The following PYCR3 variants were observed in gnomAD, a reference collection of about 807,000 sequenced individuals.
PYCR3 encodes the protein P5C reductase 3.
PYCR3 carries 26 observed loss-of-function variants against 23.4 expected under a neutral mutation model. The ratio of observed to expected loss-of-function variants is 1.11; its 90% CI spans 0.81 to 1.54. The LOEUF is 1.54. Among genes scored for constraint, PYCR3 ranks in the 40% most tolerant of loss-of-function variants. PYCR3 has a pLI of 0.00. For missense variants in PYCR3, 360 were observed against 376.3 expected (o/e 0.96, Z 0.36); for synonymous variants, 194 against 162.6 (o/e 1.19, Z -1.47).
intron 2 of PYCR3, among the ~76,000 whole-genome samples, chr8:143,607,521 C>A (rs1829435588): frequency 6.6e-6 from 1 of 152,116 alleles, no homozygotes; most frequent in Admixed American, 6.5e-5. Flanking sequence ...AACACATGCA[C>A]ACACACCCAC....
At position 143,609,557 on chromosome 8, in the gene PYCR3, C is replaced by T. The variant is rs1829491817; in HGVS notation, c.-9G>A. The T allele has an allele frequency of 1.3e-6, 2 of 1,500,598 alleles. No homozygotes were observed. The highest frequency in any genetic ancestry group is 2.9e-5 in the African/African-American group (2 of 68,902). 93.0% of individuals were successfully genotyped at this position (1,500,598 alleles called of 1,614,324 possible). On this transcript the variant is annotated 5_prime_UTR_variant, in exon 1 of 6. Transcript: ENST00000495276. ...GGCTCCGCAGCTGCCATCTTGTTGC[C>T]TCGGACGCCGCTGCGCTCACCGCCC...
Position 143,606,775 on chromosome 8 carries a change from C to T in PYCR3, c.337-96G>A, listed in dbSNP as rs573156132. 6.6e-5 allele frequency: 90 copies of T among 1,372,262 alleles called. No homozygotes were observed. In the South Asian group the frequency reaches 8.3e-4, roughly 13 times the overall value. The allele number at this position is 1,372,262 out of a possible 1,614,324, so 85.0% of individuals were successfully genotyped here. ...CTCAGGAAAGGTCCACGTCAGCTCG[C>T]GGTGGGCTCCAGCGTCTGCCTCCCA... On this transcript the variant is annotated intron_variant, in intron 3 of 5. Coordinates refer to ENST00000495276, the MANE Select transcript of PYCR3 (RefSeq NM_023078.6).
intron 5 of PYCR3, 45 bp downstream of exon 5, chr8:143,606,017 A>G: frequency 6.3e-7 from 1 of 1,579,572 alleles, no homozygotes. Context: ...GAAGAGGTAC[A>G]GGCCTGGGCC....
At position 143,605,722 on chromosome 8, in the gene PYCR3, G is replaced by C; in HGVS notation, c.803C>G (p.Ala268Gly). The C allele has an allele frequency of 1.2e-6, 2 of 1,602,602 alleles. No homozygotes were observed. The highest frequency in any genetic ancestry group is 1.7e-6 in the Non-Finnish European group (2 of 1,172,396). ...AGCCTACTTTCTGCTGAGCTCCTTG[G>C]CCCGGCAGGTGGCAGCCTCCACGGC... ...MSAVEAATCR[A>G]KELSRK is the part of the protein sequence containing the mutation. Residue 268 changes from alanine (A) to glycine (G), a missense_variant, in exon 6 of 6, where the codon GCC (alanine) becomes GGC (glycine). By Grantham distance (60) the Ala-to-Gly change is moderately conservative. Coordinates refer to ENST00000495276, the MANE Select transcript of PYCR3 (RefSeq NM_023078.6).
In PYCR3 at chr8:143,609,477, C is replaced by G; in HGVS notation, c.72G>C (p.Ala24=). The change falls in exon 1 of 6, where the codon GCG becomes GCC. Residue 24 remains alanine (A), a synonymous_variant. Coordinates refer to ENST00000495276, the MANE Select transcript of PYCR3 (RefSeq NM_023078.6). Reference sequence around the variant, plus strand: ...CCCCACCTGCTCTGATGAGGCCCTGCGCGATGGCCCCCGCCATGCGGCCCG... The same window carrying G: ...CCCCACCTGCTCTGATGAGGCCCTGGGCGATGGCCCCCGCCATGCGGCCCG... ...VGAGRMAGAI[A]QGLIRAGKVE... 1 of 1,511,672 alleles carries G rather than the reference C, an allele frequency of 6.6e-7. No homozygotes were observed. The highest frequency in any genetic ancestry group is 8.8e-7 in the Non-Finnish European group (1 of 1,137,662). The allele number at this position is 1,511,672 out of a possible 1,614,324, so 93.6% of individuals were successfully genotyped here.
At position 143,604,747 on chromosome 8, in the gene PYCR3, C is replaced by T. The variant is rs745695644; in HGVS notation, c.*953G>A. 5.1e-6 allele frequency: 2 copies of T among 395,134 alleles called. No individual in the cohort carries two copies. Among genetic ancestry groups the T allele is most frequent in the African/African-American group, 2.1e-5 (1 of 47,038 alleles). The allele number at this position is 395,134 out of a possible 1,614,324, so 24.5% of individuals were successfully genotyped here. A position where few individuals can be genotyped will look rare whatever the true frequency, so the allele number is the denominator to read the frequency against. On this transcript the variant is annotated 3_prime_UTR_variant, in exon 6 of 6. Coordinates refer to ENST00000495276, the MANE Select transcript of PYCR3 (RefSeq NM_023078.6). ...CTTCAATCCTGGGGGTTTGCTTCTC[C>T]CCTGAGTCCTGGCTTTCCTGACCTG...
At chr8:143,607,997 TG>T in intron 2 of PYCR3, 64 bp downstream of exon 2, 1 of 1,232,850 alleles carries the variant, frequency 8.1e-7, no homozygotes, top group Non-Finnish European at 1.2e-6. Context: ...AGTGTCTTAG[TG>T]GGACAGGAGC....
chr8:143,606,906 A>G (rs1829416957), intron 3 of PYCR3, 47 bp downstream of exon 3: 1 of 1,527,768 alleles, frequency 6.5e-7, no homozygotes, highest in Non-Finnish European at 8.8e-7. Context: ...AAGCCTGGCC[A>G]GCAGAGCCTA....
intron 1 of PYCR3, 70 bp from the exon 2 acceptor site, chr8:143,608,196 G>T: frequency 7.8e-7 from 1 of 1,283,670 alleles, no homozygotes; most frequent in Non-Finnish European, 1.1e-6. Context: ...AGGAGAGGGA[G>T]CTCACTTGGC....
rs1357277234 is a variant in PYCR3 at position 143,606,659 on chromosome 8, C to A, written c.357G>T (p.Arg119=). Residue 119 remains arginine, a synonymous_variant, in exon 4 of 6, where the codon CGG becomes CGT. Coordinates refer to ENST00000495276, the MANE Select transcript of PYCR3 (RefSeq NM_023078.6). The stretch of plus-strand genomic sequence containing the variant: ...GCAGGTTGGGCAAGACCCGCAGCAC[C>A]CGTGTGTTTGGGGGCAGCAGCTGGC... ...TLEELLPPNT[R]VLRVLPNLPC... 1 of 1,599,778 alleles carries A rather than the reference C, an allele frequency of 6.3e-7. No individual in the cohort carries two copies. The highest frequency in any genetic ancestry group is 8.5e-7 in the Non-Finnish European group (1 of 1,174,336).
rs528929753 is a variant in PYCR3, at chr8:143,606,508, C to T, written c.508G>A (p.Val170Ile). 63 of 1,612,882 alleles carry T rather than the reference C, an allele frequency of 3.9e-5. No individual in the cohort carries two copies. The South Asian group carries it at 5.1e-4, about 13-fold the overall frequency. The change falls in exon 4 of 6, where the codon GTC (valine) becomes ATC (isoleucine). Residue 170 changes from valine to isoleucine, a missense_variant. Coordinates refer to ENST00000495276, the MANE Select transcript of PYCR3 (RefSeq NM_023078.6). The stretch of plus-strand genomic sequence containing the variant: ...CCACTGAGGCCAGTGTGGATGTCGA[C>T]GTAGGCTTCAGGCACCTCCTCACAC... Reference protein sequence around the residue: ...GRCEEVPEAYVDIHTGLSGSG... With the variant: ...GRCEEVPEAYIDIHTGLSGSG...
At position 143,603,934 on chromosome 8, in the gene PYCR3, A is replaced by T. The variant is rs1829320143; in HGVS notation, c.*1766T>A. 6.7e-6 allele frequency: 1 copy of T among 150,108 alleles called. No individual in the cohort carries two copies. Among genetic ancestry groups the T allele is most frequent in the East Asian group, 1.9e-4 (1 of 5,130 alleles). 9.3% of individuals were successfully genotyped at this position (150,108 alleles called of 1,614,324 possible). ...TTTTCCAAGACAGAGTCTTGCTGTC[A>T]CCCAGGCTGGAGTGCAGTGGCATGA... On this transcript the variant is annotated 3_prime_UTR_variant, in exon 6 of 6. Coordinates refer to ENST00000495276, the MANE Select transcript of PYCR3 (RefSeq NM_023078.6).
chr8:143,606,178 G>T (rs118119099), intron 4 of PYCR3, 24 bp from the exon 5 acceptor site: 84,938 of 1,585,992 alleles, frequency 0.054, 2,642 homozygotes, highest in Middle Eastern at 0.075. Context: ...ATGGTGGTTG[G>T]GGGGGATAGG....
rs564801899 is a variant in PYCR3, at chr8:143,606,435, G to T, written c.549+32C>A. ...GGGGTGGGCCCCCTCTTTGCCGAGG[G>T]TGGGGCCGGGGATGGACGAGGCAAT... On this transcript the variant is annotated intron_variant, in intron 4 of 5. Coordinates refer to ENST00000495276, the MANE Select transcript of PYCR3 (RefSeq NM_023078.6). The T allele has an allele frequency of 3.1e-6, 5 of 1,605,478 alleles. No homozygotes were observed. In the Admixed American group the frequency reaches 6.7e-5, roughly 21 times the overall value.
At position 143,603,808 on chromosome 8, in the gene PYCR3, C is replaced by A. The variant is rs1227322411; in HGVS notation, c.*1892G>T. 6.6e-6 allele frequency: 1 copy of A among 152,144 alleles called. No homozygotes were observed. The highest frequency in any genetic ancestry group is 1.9e-4 in the East Asian group (1 of 5,198). The allele number at this position is 152,144 out of a possible 1,614,324, so 9.4% of individuals were successfully genotyped here. On this transcript the variant is annotated 3_prime_UTR_variant, in exon 6 of 6. Transcript: ENST00000495276. ...GCCTGTAGCAGGCATGGGGAGACCT[C>A]TGCTGTCCACAGTGCCAGCACCCCC...
intron 1 of PYCR3, among the ~76,000 whole-genome samples, chr8:143,609,177 C>T (rs1414098429): frequency 6.6e-6 from 1 of 152,252 alleles, no homozygotes. Context: ...ATGAGAGGGG[C>T]TGGCGCGCAA....
chr8:143,603,718 T>C lies in PYCR3; in HGVS notation c.*1982A>G, dbSNP rs2131394418. Among the ~76,000 whole-genome samples, 1 of 152,240 alleles carries C rather than the reference T, an allele frequency of 6.6e-6. No individual in the cohort carries two copies. The highest frequency in any genetic ancestry group is 3.4e-3 in the Middle Eastern group (1 of 294). ...TGCCCAGGCTTGGCATACAGTCCCCTGGGGTGACAGCGTGCAGGGGAAACT... is the reference window on the plus strand; with the variant it reads ...TGCCCAGGCTTGGCATACAGTCCCCCGGGGTGACAGCGTGCAGGGGAAACT... On this transcript the variant is annotated 3_prime_UTR_variant, in exon 6 of 6. Coordinates refer to ENST00000495276, the MANE Select transcript of PYCR3 (RefSeq NM_023078.6).
chr8:143,606,514 C>G lies in PYCR3; in HGVS notation c.502G>C (p.Ala168Pro). ...ACGRCEEVPEAYVDIHTGLSG... is the reference protein window; with the variant it reads ...ACGRCEEVPEPYVDIHTGLSG... Reference sequence around the variant, plus strand: ...AGGCCAGTGTGGATGTCGACGTAGGCTTCAGGCACCTCCTCACACCGCCCA... The same window carrying G: ...AGGCCAGTGTGGATGTCGACGTAGGGTTCAGGCACCTCCTCACACCGCCCA... Residue 168 changes from alanine (A) to proline (P), a missense_variant, in exon 4 of 6, where the codon GCC becomes CCC. Transcript: ENST00000495276. 6.2e-7 allele frequency: 1 copy of G among 1,612,954 alleles called. No individual in the cohort carries two copies. The highest frequency in any genetic ancestry group is 8.5e-7 in the Non-Finnish European group (1 of 1,180,004).
Position 143,606,672 on chromosome 8 carries a change from G to A in PYCR3, c.344C>T (p.Pro115Leu). The change falls in exon 4 of 6, where the codon CCC becomes CTC. Residue 115 changes from proline (P) to leucine (L), a missense_variant. Transcript: ENST00000495276. ...GACCCGCAGCACCCGTGTGTTTGGG[G>A]GCAGCAGCTGGCCAGAGAGAGGTCA... Reference protein sequence around the residue: ...VSLSTLEELLPPNTRVLRVLP... With the variant: ...VSLSTLEELLLPNTRVLRVLP... 1 of 1,586,812 alleles carries A rather than the reference G, an allele frequency of 6.3e-7. No individual in the cohort carries two copies. Among genetic ancestry groups the A allele is most frequent in the East Asian group, 2.3e-5 (1 of 43,644 alleles).
Sources: allele counts gnomAD v4.1 joint callset (sites outside exome capture counted in the v4.1 genomes callset), GRCh38; gene constraint gnomAD v4.1.1; transcripts MANE v1.5; gene names NCBI Gene and HGNC (gene_info 2026-07-23, HGNC 2026-07-21).